PCGF3: variants seen among roughly 807,000 people sequenced by gnomAD.
The protein encoded by PCGF3 is polycomb group RING finger protein 3.
PCGF3 carries 7 observed loss-of-function variants against 33.1 expected under a neutral mutation model. That is an observed-to-expected ratio of 0.21 (90% confidence interval 0.12 to 0.40). The LOEUF is 0.40. Ranked by LOEUF, PCGF3 falls within the 10% of genes least tolerant of loss-of-function variation. The pLI, the probability that PCGF3 is intolerant of heterozygous loss-of-function variation, is 1.00. For missense variants in PCGF3, 211 were observed against 313.3 expected, an observed-to-expected ratio of 0.67 and a Z score of 2.46; for synonymous variants, 153 against 121.3, an observed-to-expected ratio of 1.26 and a Z score of -1.72.
At chr4:748,803 G>A (rs10213001) in intron 8 of PCGF3, among the ~76,000 whole-genome samples, 16,453 of 151,978 alleles carry the variant, frequency 0.11, 1,748 homozygotes, top group African/African-American at 0.28. Context: ...TCTCGTCTGC[G>A]CGGAGGCCCC....
chr4:765,238 C>A (rs1469585866), intron 10 of PCGF3, among the ~76,000 whole-genome samples, 174 bp downstream of exon 10: 1 of 152,134 alleles, frequency 6.6e-6, no homozygotes. Flanking sequence ...TCCAGACAAT[C>A]CTGGCTAACA....
At chr4:764,986 G>C (rs1423452950) in exon 10 of PCGF3, 3 of 1,613,076 alleles carry the variant, frequency 1.9e-6, no homozygotes, top group Non-Finnish European at 2.5e-6. Flanking sequence ...TCCCCCAGCT[G>C]GACATTTTAT....
intron 6 of PCGF3, among the ~76,000 whole-genome samples, chr4:740,423 T>G (rs1560208300): frequency 6.6e-6 from 1 of 152,252 alleles, no homozygotes; most frequent in Non-Finnish European, 1.5e-5. Context: ...GTTTAAAACA[T>G]TTATCAAAGT....
intron 1 of PCGF3, among the ~76,000 whole-genome samples, chr4:727,233 C>CTTTTTTT (rs57690550): frequency 0.019 from 1,204 of 61,890 alleles, 102 homozygotes; most frequent in Non-Finnish European, 0.025. Context: ...TAGCGAGCGT[C>CTTTTTTT]TTTTTTTTTT....
chr4:764,173 G>A (rs1025511542), intron 9 of PCGF3, among the ~76,000 whole-genome samples: 1 of 152,238 alleles, frequency 6.6e-6, no homozygotes, highest in African/African-American at 2.4e-5. Context: ...GCAGGTTCCT[G>A]GGTGGTGACT....
At chr4:754,541 G>T (rs939560384) in intron 8 of PCGF3, among the ~76,000 whole-genome samples, 1 of 152,224 alleles carries the variant, frequency 6.6e-6, no homozygotes, top group Non-Finnish European at 1.5e-5. Flanking sequence ...CTGTAGAGGT[G>T]AGGCAGGAGG....
chr4:766,028 C>T lies in PCGF3; in HGVS notation c.682-4C>T. The T allele has an allele frequency of 6.2e-7, 1 of 1,613,962 alleles. No individual in the cohort carries two copies. The highest frequency in any genetic ancestry group is 8.5e-7 in the Non-Finnish European group (1 of 1,179,840). On this transcript the variant is annotated splice_region_variant and splice_polypyrimidine_tract_variant and intron_variant, in intron 10 of 10. Transcript: ENST00000362003. ...CAGGCACTGTGCGTTCTTGTGTCTT[C>T]CAGAAGGCGCCGCTCCTGCTGCACT...
At chr4:717,224 G>A (rs1436766497) in intron 1 of PCGF3, among the ~76,000 whole-genome samples, 1 of 45,204 alleles carries the variant, frequency 2.2e-5, no homozygotes, top group Non-Finnish European at 3.9e-5. Flanking sequence ...AGAACTGAGC[G>A]TCGGTGCTGG....
rs187842869 is a variant in PCGF3 at position 754,092 on chromosome 4, G to A, written c.463-7187G>A. Among the ~76,000 whole-genome samples the A allele has an allele frequency of 3.7e-3, 566 of 152,234 alleles. 10 individuals are homozygous for A. The highest frequency in any genetic ancestry group is 0.013 in the African/African-American group (545 of 41,524). Reference sequence around the variant, plus strand: ...GCTGGTGTGGTCTCTGCTCATCTTCGCTCGTGCAGAGTTAGGAAACCCTTA... The same window carrying A: ...GCTGGTGTGGTCTCTGCTCATCTTCACTCGTGCAGAGTTAGGAAACCCTTA... On this transcript the variant is annotated intron_variant, in intron 8 of 10. Coordinates refer to ENST00000362003, the Ensembl canonical transcript of PCGF3.
chr4:752,696 C>A (rs1011900584), intron 8 of PCGF3, among the ~76,000 whole-genome samples: 1 of 152,168 alleles, frequency 6.6e-6, no homozygotes, highest in Admixed American at 6.5e-5. Context: ...GACTTCGACC[C>A]CTGTGTGTGC....
At chr4:711,932 G>A (rs964759240) in intron 1 of PCGF3, among the ~76,000 whole-genome samples, 1 of 148,610 alleles carries the variant, frequency 6.7e-6, no homozygotes, top group Non-Finnish European at 1.5e-5. Flanking sequence ...CAGACTGGGC[G>A]AAGAGTGAGA....
At chr4:709,559 G>A (rs185128314) in intron 1 of PCGF3, among the ~76,000 whole-genome samples, 1 of 151,942 alleles carries the variant, frequency 6.6e-6, no homozygotes, top group African/African-American at 2.4e-5. Flanking sequence ...GCAAGAGTGA[G>A]TGATGCATGA....
chr4:737,182 T>C (rs1373866623), intron 5 of PCGF3, among the ~76,000 whole-genome samples: 1 of 148,260 alleles, frequency 6.7e-6, no homozygotes, highest in African/African-American at 2.5e-5. Flanking sequence ...GCACGGGACG[T>C]GGGGAATCTG....
chr4:734,968 C>A, exon 5 of PCGF3: 1 of 1,613,766 alleles, frequency 6.2e-7, no homozygotes, highest in Middle Eastern at 1.7e-4. Flanking sequence ...TGGAGGAGAA[C>A]AACACCTGCC....
chr4:729,594 C>T (rs1002430997), intron 1 of PCGF3, among the ~76,000 whole-genome samples: 3 of 152,122 alleles, frequency 2.0e-5, no homozygotes, highest in Non-Finnish European at 4.4e-5. Flanking sequence ...TCATTCTCTT[C>T]ATCTTGTTTC....
At chr4:760,525 CCTTTTGTAT>C (rs776521566) in intron 8 of PCGF3, among the ~76,000 whole-genome samples, 54 of 152,178 alleles carry the variant, frequency 3.5e-4, no homozygotes, top group Non-Finnish European at 1.3e-4. Context: ...TGGTGTCCTC[CCTTTTGTAT>C]CTTTTGTAAT....
intron 8 of PCGF3, among the ~76,000 whole-genome samples, 163 bp from the exon 9 acceptor site, chr4:761,116 A>C (rs2152621176): frequency 6.6e-6 from 1 of 152,356 alleles, no homozygotes; most frequent in East Asian, 1.9e-4. Context: ...CAGATAAGGT[A>C]TGTAAGATTC....
chr4:764,164 C>G (rs1486947623), intron 9 of PCGF3, among the ~76,000 whole-genome samples: 1 of 152,196 alleles, frequency 6.6e-6, no homozygotes, highest in Admixed American at 6.5e-5. Flanking sequence ...GATGTCAGTG[C>G]AGGTTCCTGG....
rs746817991 is a variant in PCGF3, at chr4:715,103, CTG to C, written c.-190+9136_-190+9137del. Among the ~76,000 whole-genome samples the C allele has an allele frequency of 1.5e-3, 220 of 144,736 alleles. 2 individuals carry two copies. The highest frequency in any genetic ancestry group is 3.9e-3 in the Middle Eastern group (1 of 254). The allele number at this position is 144,736 out of a possible 152,430, so 95.0% of individuals were successfully genotyped here. On this transcript the variant is annotated intron_variant, in intron 1 of 10. Transcript: ENST00000362003. ...CGTCGGTGCTGGGACCCTGTAGACT[CTG>C]TGAGTGTGAGAACTGGGTGTCGGTG...
Sources: allele counts gnomAD v4.1 joint callset (sites outside exome capture counted in the v4.1 genomes callset), GRCh38; gene constraint gnomAD v4.1.1; transcripts MANE v1.5; gene names NCBI Gene and HGNC (gene_info 2026-07-23, HGNC 2026-07-21).